The following ADAP1 variants were observed in gnomAD, a reference collection of about 807,000 sequenced individuals.
ADAP1 encodes ArfGAP with dual PH domains 1, also known as arf-GAP with dual PH domain-containing protein 1.
Under a neutral mutation model 54.9 loss-of-function variants are expected in ADAP1, and 31 were observed. The ratio of observed to expected loss-of-function variants is 0.56; its 90% CI spans 0.42 to 0.76. ADAP1 has a LOEUF of 0.76. ADAP1 is among the 30% of genes least tolerant of loss of function. The pLI is 0.00. For synonymous variants in ADAP1, 313 were observed against 202.6 expected (o/e 1.55, Z -4.63); for missense variants, 535 against 512.4 (o/e 1.04, Z -0.42).
At chr7:903,244 G>A (rs1241286957) in intron 6 of ADAP1, among the ~76,000 whole-genome samples, 2 of 152,136 alleles carry the variant, frequency 1.3e-5, no homozygotes, top group Non-Finnish European at 2.9e-5. Flanking sequence ...ACCCGACTCG[G>A]CCCCCTAACA....
At chr7:900,487 C>A in intron 7 of ADAP1, 46 bp downstream of exon 7, 1 of 1,403,444 alleles carries the variant, frequency 7.1e-7, no homozygotes, top group Non-Finnish European at 9.9e-7. Context: ...CCCCCCACCC[C>A]ACCACCCCTG....
At chr7:922,108 G>A (rs551679974) in intron 3 of ADAP1, among the ~76,000 whole-genome samples, 42 of 152,260 alleles carry the variant, frequency 2.8e-4, no homozygotes, top group Admixed American at 9.1e-4. Flanking sequence ...AACCAGTACT[G>A]CCCGGAGCCC....
At position 946,782 on chromosome 7, in the gene ADAP1, G is replaced by A. The variant is rs947809985; in HGVS notation, c.82+7614C>T. Among the ~76,000 whole-genome samples the A allele has an allele frequency of 2.6e-5, 4 of 152,246 alleles. No homozygotes were observed. Among genetic ancestry groups the A allele is most frequent in the Admixed American group, 6.5e-5 (1 of 15,278 alleles). On this transcript the variant is annotated intron_variant, in intron 1 of 10. Transcript: ENST00000265846. The surrounding 1 kb of genome is among the most constrained non-coding windows in gnomAD (Gnocchi z 4.3). Reference sequence around the variant, plus strand: ...CAAACCCTATTTTTGGAACTCGATAGAGGTGGTGGTTGAACAGCATGGAGA... The same window carrying A: ...CAAACCCTATTTTTGGAACTCGATAAAGGTGGTGGTTGAACAGCATGGAGA...
At chr7:906,673 ATGGACAGGGGACACG>A (rs1845408728) in intron 4 of ADAP1, among the ~76,000 whole-genome samples, 1 of 93,870 alleles carries the variant, frequency 1.1e-5, no homozygotes, top group African/African-American at 5.8e-5. Flanking sequence ...GAAAGGGGAC[ATGGACAGGGGACACG>A]GGGGACATGG....
At chr7:935,608 G>C in intron 1 of ADAP1, 103 bp from the exon 2 acceptor site, 1 of 1,435,494 alleles carries the variant, frequency 7.0e-7, no homozygotes, top group Admixed American at 2.3e-5. Context: ...CAGTGGGGGG[G>C]GCTTCAGCGG....
At chr7:902,822 C>T (rs372783407) in intron 6 of ADAP1, among the ~76,000 whole-genome samples, 12 of 150,808 alleles carry the variant, frequency 8.0e-5, no homozygotes, top group South Asian at 4.2e-4. Context: ...TTCAAAACCG[C>T]GGGACAAACG....
intron 4 of ADAP1, among the ~76,000 whole-genome samples, chr7:917,856 C>T (rs945804140): frequency 1.1e-4 from 17 of 151,986 alleles, no homozygotes; most frequent in Admixed American, 6.6e-5. Context: ...CTGCAGCCTC[C>T]GCCTCCCAGG....
rs1583195273 is a variant in ADAP1, at chr7:954,533, G to C, written c.-56C>G. ...GGGCCGGGGCCGGGAGCGTCAGCCCGGCTCGCTAGGGCCCCGCGCAGGCCG... is the reference window on the plus strand; with the variant it reads ...GGGCCGGGGCCGGGAGCGTCAGCCCCGCTCGCTAGGGCCCCGCGCAGGCCG... On this transcript the variant is annotated 5_prime_UTR_variant, in exon 1 of 11. Coordinates refer to ENST00000265846, the MANE Select transcript of ADAP1 (RefSeq NM_006869.4). 2.0e-6 allele frequency: 2 copies of C among 996,488 alleles called. No individual in the cohort carries two copies. Among genetic ancestry groups the C allele is most frequent in the African/African-American group, 3.5e-5 (2 of 56,948 alleles). 61.7% of individuals were successfully genotyped at this position (996,488 alleles called of 1,614,324 possible).
At chr7:948,275 C>A (rs1847191433) in intron 1 of ADAP1, among the ~76,000 whole-genome samples, 1 of 152,026 alleles carries the variant, frequency 6.6e-6, no homozygotes, top group African/African-American at 2.4e-5. Flanking sequence ...ATGCCCTCTG[C>A]CCCTCACCCC....
At chr7:935,537 T>A in intron 1 of ADAP1, 32 bp from the exon 2 acceptor site, 1 of 1,554,318 alleles carries the variant, frequency 6.4e-7, no homozygotes, top group South Asian at 1.2e-5. Flanking sequence ...TCACGGAGGC[T>A]CAGCCCAGGG....
At chr7:942,846 C>G (rs111161352) in intron 1 of ADAP1, among the ~76,000 whole-genome samples, 4 of 1,596 alleles carry the variant, frequency 2.5e-3, no homozygotes, top group East Asian at 7.2e-3. Context: ...GAGAGGAGGA[C>G]GAAGGGAGAG....
In ADAP1 at chr7:942,310, A is replaced by AAGAGAGGAGGAGGAAGGG. The variant is rs1404781983; in HGVS notation, c.83-6823_83-6806dup. On this transcript the variant is annotated intron_variant, in intron 1 of 10. Transcript: ENST00000265846. Reference sequence around the variant, plus strand: ...AGGAGGAAGAGAGAGGAGGAGGAGGAAGAGAGGAGGAGGAAGGGAGAGAGG... The same window carrying AAGAGAGGAGGAGGAAGGG: ...AGGAGGAAGAGAGAGGAGGAGGAGGAAGAGAGGAGGAGGAAGGGAGAGAGGAGGAGGAAGGGAGAGAGG... Among the ~76,000 whole-genome samples the AAGAGAGGAGGAGGAAGGG allele has an allele frequency of 2.2e-5, 3 of 135,040 alleles. No homozygotes were observed. In the East Asian group the frequency reaches 8.8e-4, roughly 40 times the overall value. The allele number at this position is 135,040 out of a possible 152,430, so 88.6% of individuals were successfully genotyped here.
At chr7:954,159 C>CG (rs1847332247) in intron 1 of ADAP1, among the ~76,000 whole-genome samples, 3 of 148,788 alleles carry the variant, frequency 2.0e-5, no homozygotes, top group Middle Eastern at 6.9e-3. Context: ...GGGGGGTTTC[C>CG]GGGGGTCCTG....
intron 2 of ADAP1, among the ~76,000 whole-genome samples, chr7:929,680 G>A (rs1296609316): frequency 3.3e-5 from 5 of 151,978 alleles, no homozygotes; most frequent in Non-Finnish European, 7.4e-5. Flanking sequence ...GTGTTGGGAC[G>A]TTAAAATGTC....
intron 3 of ADAP1, among the ~76,000 whole-genome samples, chr7:924,575 C>T (rs1846319219): frequency 6.7e-6 from 1 of 149,714 alleles, no homozygotes; most frequent in Admixed American, 6.7e-5. Context: ...ACCCCCCGCC[C>T]TCCAAGTTAT....
intron 1 of ADAP1, among the ~76,000 whole-genome samples, chr7:940,334 A>T (rs1326265483): frequency 4.2e-4 from 13 of 31,276 alleles, no homozygotes; most frequent in South Asian, 3.3e-3. Context: ...ACCCTGTCAC[A>T]CACACACACA....
chr7:903,424 C>T (rs552897433), intron 6 of ADAP1, among the ~76,000 whole-genome samples: 98 of 152,258 alleles, frequency 6.4e-4, no homozygotes, highest in African/African-American at 2.1e-3. Flanking sequence ...GGACCAATTC[C>T]CAACGGGGGT....
chr7:902,012 G>GAGC (rs1464940950), intron 6 of ADAP1, among the ~76,000 whole-genome samples: 3 of 152,060 alleles, frequency 2.0e-5, no homozygotes, highest in Non-Finnish European at 2.9e-5. Context: ...CTCCACGCTG[G>GAGC]AGCTCTGTGA....
intron 1 of ADAP1, among the ~76,000 whole-genome samples, chr7:952,275 G>A (rs73256039): frequency 0.085 from 12,893 of 152,236 alleles, 1,187 homozygotes; most frequent in African/African-American, 0.24. Flanking sequence ...AGTGGGTGGG[G>A]CCTGCTCAAG....
Sources: gnomAD v4.1 joint callset for allele counts (sites outside exome capture counted in the v4.1 genomes callset) on GRCh38, gnomAD v4.1.1 for gene constraint, Gnocchi (gnomAD v3.1) non-coding constraint, MANE v1.5 for transcripts, NCBI Gene and HGNC (gene_info 2026-07-23, HGNC 2026-07-21) for gene names.